TNFAIP8L3: variants seen among roughly 807,000 people sequenced by gnomAD.
The protein encoded by TNFAIP8L3 is tumor necrosis factor alpha-induced protein 8-like protein 3.
Under a neutral mutation model 11.8 loss-of-function variants are expected in TNFAIP8L3, and 7 were observed. That is an observed-to-expected ratio of 0.59 (90% CI 0.34 to 1.11). The LOEUF (loss-of-function observed/expected upper bound fraction) is 1.11. TNFAIP8L3 is among the 50% of genes most tolerant of loss of function. The pLI is 0.03. For synonymous variants in TNFAIP8L3, 98 were observed against 103.8 expected (o/e 0.94, Z 0.34); for missense variants, 219 against 258.6 (o/e 0.85, Z 1.05).
intron 1 of TNFAIP8L3, among the ~76,000 whole-genome samples, chr15:51,070,191 T>C (rs1307199875): frequency 6.6e-6 from 1 of 152,254 alleles, no homozygotes; most frequent in Non-Finnish European, 1.5e-5. Flanking sequence ...AGCAGATACT[T>C]GTGAAGCCAC....
Position 51,057,832 on chromosome 15 carries a change from T to C in TNFAIP8L3, c.*49A>G, listed in dbSNP as rs776288868. 2 of 1,445,514 alleles carry C rather than the reference T, an allele frequency of 1.4e-6. No homozygotes were observed. Among genetic ancestry groups the C allele is most frequent in the East Asian group, 2.3e-5 (1 of 43,686 alleles). The allele number at this position is 1,445,514 out of a possible 1,614,324, so 89.5% of individuals were successfully genotyped here. ...TTCTTGATTCTCACCCAGATCATGG[T>C]TGAGTGCTGTAACTTTAAAGCAGCA... On this transcript the variant is annotated 3_prime_UTR_variant, in exon 2 of 2. Transcript: ENST00000637513.
intron 1 of TNFAIP8L3, among the ~76,000 whole-genome samples, chr15:51,079,177 T>C (rs1165237008): frequency 6.6e-6 from 1 of 152,234 alleles, no homozygotes; most frequent in Admixed American, 6.5e-5. Context: ...CAGGCCTGGG[T>C]CCCCTTGCAC....
rs189655371 is a variant in TNFAIP8L3 at position 51,065,199 on chromosome 15, A to G, written c.53-6756T>C. 2.4e-4 allele frequency among the ~76,000 whole-genome samples: 37 copies of G among 152,360 alleles called. No individual in the cohort carries two copies. In the East Asian group the frequency reaches 6.4e-3, roughly 26 times the overall value. On this transcript the variant is annotated intron_variant, in intron 1 of 1. Coordinates refer to ENST00000637513, the MANE Select transcript of TNFAIP8L3 (RefSeq NM_001311175.2). ...ATAGAAGAGCTCAATCAAAGATAAT[A>G]TGAAGTCTCTGAGAATAAGGACCCT...
At chr15:51,093,164 TATATC>T (rs1257255421) in intron 1 of TNFAIP8L3, among the ~76,000 whole-genome samples, 6 of 152,220 alleles carry the variant, frequency 3.9e-5, no homozygotes, top group Non-Finnish European at 8.8e-5. Flanking sequence ...GTTTATGAAT[TATATC>T]ATACCTAGGC....
Position 51,074,098 on chromosome 15 carries a change from A to G in TNFAIP8L3, c.53-15655T>C, listed in dbSNP as rs140551990. Among the ~76,000 whole-genome samples the G allele has an allele frequency of 2.3e-3, 349 of 152,328 alleles. 2 individuals are homozygous for G. The highest frequency in any genetic ancestry group is 8.1e-3 in the African/African-American group (338 of 41,576). ...CATTTTGCAACTATACTCAAAAGTGAGATTGGTCTATAACTTTTTCATAGT... is the reference window on the plus strand; with the variant it reads ...CATTTTGCAACTATACTCAAAAGTGGGATTGGTCTATAACTTTTTCATAGT... On this transcript the variant is annotated intron_variant, in intron 1 of 1. Transcript: ENST00000637513.
chr15:51,098,223 G>A (rs1299237058), upstream of TNFAIP8L3, among the ~76,000 whole-genome samples: 5 of 152,192 alleles, frequency 3.3e-5, no homozygotes, highest in Non-Finnish European at 5.9e-5. Flanking sequence ...TCATCTGCCT[G>A]TCTCCTCTTG....
chr15:51,075,155 T>C (rs545908455), intron 1 of TNFAIP8L3, among the ~76,000 whole-genome samples: 3 of 152,358 alleles, frequency 2.0e-5, no homozygotes, highest in African/African-American at 7.2e-5. Context: ...GACCCACACC[T>C]GGAAGGAGGT....
chr15:51,098,818 C>G (rs187054807), upstream of TNFAIP8L3, among the ~76,000 whole-genome samples: 247 of 152,280 alleles, frequency 1.6e-3, 2 homozygotes, highest in African/African-American at 5.8e-3. Flanking sequence ...ATCATTTCAT[C>G]TACTCTTTGA....
At chr15:51,096,625 C>A (rs1322783214), upstream of TNFAIP8L3, among the ~76,000 whole-genome samples, 2 of 152,134 alleles carry the variant, frequency 1.3e-5, no homozygotes, top group Non-Finnish European at 2.9e-5. Flanking sequence ...GGCACGGTGG[C>A]TCACGCCTGT....
At chr15:51,088,731 C>G (rs1296082049) in intron 1 of TNFAIP8L3, among the ~76,000 whole-genome samples, 1 of 152,190 alleles carries the variant, frequency 6.6e-6, no homozygotes, top group African/African-American at 2.4e-5. Context: ...GGTAGACAGG[C>G]CTGCCATCCC....
chr15:51,062,093 G>A (rs937459087), intron 1 of TNFAIP8L3, among the ~76,000 whole-genome samples: 4 of 152,050 alleles, frequency 2.6e-5, no homozygotes, highest in African/African-American at 7.3e-5. Flanking sequence ...GGGCAACATG[G>A]CAAAACCCTG....
intron 1 of TNFAIP8L3, among the ~76,000 whole-genome samples, chr15:51,071,129 T>C (rs978579404): frequency 1.3e-5 from 2 of 150,852 alleles, no homozygotes; most frequent in African/African-American, 4.9e-5. Flanking sequence ...GATAAAAATA[T>C]GTAATGCCTA....
chr15:51,089,874 G>A (rs2065455305), intron 1 of TNFAIP8L3, among the ~76,000 whole-genome samples: 2 of 152,208 alleles, frequency 1.3e-5, no homozygotes, highest in South Asian at 4.1e-4. Flanking sequence ...AACAAGAAAT[G>A]GGAATATGAC....
At chr15:51,070,680 CAATT>C (rs566820739) in intron 1 of TNFAIP8L3, among the ~76,000 whole-genome samples, 179 of 152,290 alleles carry the variant, frequency 1.2e-3, no homozygotes, top group African/African-American at 4.2e-3. Flanking sequence ...TGACAAACAT[CAATT>C]AGTTTAAATG....
At position 51,087,706 on chromosome 15, in the gene TNFAIP8L3, G is replaced by A. The variant is rs1311912675; in HGVS notation, c.52+6838C>T. On this transcript the variant is annotated intron_variant, in intron 1 of 1. Coordinates refer to ENST00000637513, the MANE Select transcript of TNFAIP8L3 (RefSeq NM_001311175.2). Reference sequence around the variant, plus strand: ...ACTGGTTTCTATTAGGGTGTGTCTAGCACTTTCTGTGCTGCCAAGCCTTCC... The same window carrying A: ...ACTGGTTTCTATTAGGGTGTGTCTAACACTTTCTGTGCTGCCAAGCCTTCC... Among the ~76,000 whole-genome samples the A allele has an allele frequency of 3.3e-5, 5 of 151,788 alleles. No individual in the cohort carries two copies. In the East Asian group the frequency reaches 9.7e-4, roughly 29 times the overall value.
intron 1 of TNFAIP8L3, among the ~76,000 whole-genome samples, chr15:51,074,874 C>T (rs2065338988): frequency 1.3e-5 from 2 of 152,156 alleles, no homozygotes; most frequent in South Asian, 2.1e-4. Context: ...CCCTTATATC[C>T]CTCTTGTCAG....
intron 1 of TNFAIP8L3, among the ~76,000 whole-genome samples, chr15:51,089,619 T>TAAAAC (rs1034071969): frequency 6.6e-6 from 1 of 152,152 alleles, no homozygotes; most frequent in African/African-American, 2.4e-5. Flanking sequence ...CTTAAAACAC[T>TAAAAC]AAAACAAAAC....
intron 1 of TNFAIP8L3, among the ~76,000 whole-genome samples, chr15:51,076,050 T>C (rs891174527): frequency 1.3e-5 from 2 of 152,122 alleles, no homozygotes; most frequent in Non-Finnish European, 2.9e-5. Flanking sequence ...TCCTGAACAA[T>C]GACATTTTTG....
At chr15:51,105,114 C>A in exon 1 of TNFAIP8L3, 1 of 1,614,198 alleles carries the variant, frequency 6.2e-7, no homozygotes, top group Non-Finnish European at 8.5e-7. Context: ...ACAGTTTCCC[C>A]TTTGGCTCTG....
Sources: gnomAD v4.1 joint callset for allele counts (sites outside exome capture counted in the v4.1 genomes callset) on GRCh38, gnomAD v4.1.1 for gene constraint, MANE v1.5 for transcripts, NCBI Gene and HGNC (gene_info 2026-07-23, HGNC 2026-07-21) for gene names.